The following CCSER1 variants were observed in gnomAD, a reference collection of about 807,000 sequenced individuals.
The protein encoded by CCSER1 is serine-rich coiled-coil domain-containing protein 1.
CCSER1 carries 41 observed loss-of-function variants against 82.0 expected under a neutral mutation model. The observed-to-expected ratio is 0.50, with a 90% CI of 0.39 to 0.65. The LOEUF (loss-of-function observed/expected upper bound fraction) is 0.65, where lower values mean the gene tolerates loss of function less well. Ranked by LOEUF, CCSER1 falls within the 30% of genes least tolerant of loss-of-function variation. The pLI is 0.00. For synonymous variants in CCSER1, 414 were observed against 383.9 expected, an observed-to-expected ratio of 1.08 and a Z score of -0.92; for missense variants, 1,119 against 1,064.2, an observed-to-expected ratio of 1.05 and a Z score of -0.72.
chr4:90,245,419 T>A (rs202107790), intron 1 of CCSER1, among the ~76,000 whole-genome samples: 1 of 149,694 alleles, frequency 6.7e-6, no homozygotes, highest in Non-Finnish European at 1.5e-5. Flanking sequence ...TTCTCTAAGG[T>A]CATGGTAGGA....
chr4:91,229,624 GC>G (rs1176429913), intron 10 of CCSER1, among the ~76,000 whole-genome samples: 2 of 152,066 alleles, frequency 1.3e-5, no homozygotes, highest in African/African-American at 4.8e-5. Flanking sequence ...AGAAAATGTG[GC>G]ACATATACAC....
chr4:91,393,941 C>T (rs1751814847), intron 10 of CCSER1, among the ~76,000 whole-genome samples: 1 of 152,082 alleles, frequency 6.6e-6, no homozygotes, highest in South Asian at 2.1e-4. Flanking sequence ...CTTCTTCCCT[C>T]CCATTACTTT....
Position 91,598,707 on chromosome 4 carries a change from C to G in CCSER1, c.2353C>G (p.Leu785Val). 6.4e-7 allele frequency: 1 copy of G among 1,551,480 alleles called. No homozygotes were observed. The highest frequency in any genetic ancestry group is 1.4e-5 in the African/African-American group (1 of 73,096). Reference sequence around the variant, plus strand: ...CCCCTACAAAAACAAGACCTGTCAACTCCCAAGTCTCTGTTTAAGTAATTT... The same window carrying G: ...CCCCTACAAAAACAAGACCTGTCAAGTCCCAAGTCTCTGTTTAAGTAATTT... ...TSPYKNKTCQ[L>V]PSLCLSNFLK... Residue 785 changes from leucine (L) to valine (V), a missense_variant, in exon 11 of 11, where the codon CTC becomes GTC. Leu to Val is a conservative substitution (Grantham distance 32). Coordinates refer to ENST00000509176, the MANE Select transcript of CCSER1 (RefSeq NM_001145065.2).
intron 7 of CCSER1, among the ~76,000 whole-genome samples, chr4:90,737,976 G>A (rs565322527): frequency 5.9e-5 from 9 of 152,214 alleles, no homozygotes; most frequent in Non-Finnish European, 1.0e-4. Context: ...AAATTTATGT[G>A]ATAGGTTCTG....
At position 90,170,377 on chromosome 4, in the gene CCSER1, G is replaced by T. The variant is rs567906527; in HGVS notation, c.-42+42546G>T. Among the ~76,000 whole-genome samples, 61 of 149,098 alleles carry T rather than the reference G, an allele frequency of 4.1e-4. 1 individual carries two copies. Among genetic ancestry groups the T allele is most frequent in the African/African-American group, 1.4e-3 (56 of 40,674 alleles). Reference sequence around the variant, plus strand: ...AACCTTGAAATATCTTTTAATTCTCGAACACTTTACCTACCTAACAGCTAA... The same window carrying T: ...AACCTTGAAATATCTTTTAATTCTCTAACACTTTACCTACCTAACAGCTAA... On this transcript the variant is annotated intron_variant, in intron 1 of 10. Transcript: ENST00000509176.
intron 10 of CCSER1, among the ~76,000 whole-genome samples, chr4:91,552,109 A>G: frequency 6.6e-6 from 1 of 151,762 alleles, no homozygotes; most frequent in East Asian, 1.9e-4. Flanking sequence ...TTAATGTATG[A>G]CATAAAATCT....
chr4:90,310,607 A>G (rs1371458322), intron 2 of CCSER1, among the ~76,000 whole-genome samples: 3 of 152,154 alleles, frequency 2.0e-5, no homozygotes, highest in Non-Finnish European at 2.9e-5. Context: ...TTATTGGGAT[A>G]TAAATCCTAT....
chr4:91,271,683 TAC>T (rs898603403), intron 10 of CCSER1, among the ~76,000 whole-genome samples: 1 of 151,978 alleles, frequency 6.6e-6, no homozygotes, highest in South Asian at 2.1e-4. Flanking sequence ...ATGATATATA[TAC>T]ACACACATAT....
At chr4:90,624,196 T>G (rs772136487) in intron 5 of CCSER1, among the ~76,000 whole-genome samples, 4 of 152,148 alleles carry the variant, frequency 2.6e-5, no homozygotes, top group Admixed American at 6.5e-5. Flanking sequence ...CCATAGACAT[T>G]CCCTATAATG....
At chr4:91,068,562 T>G (rs1018412423) in intron 9 of CCSER1, among the ~76,000 whole-genome samples, 2 of 152,208 alleles carry the variant, frequency 1.3e-5, no homozygotes, top group Non-Finnish European at 2.9e-5. Flanking sequence ...TCTCAGATAG[T>G]ATGTAGTTTT....
chr4:91,128,935 A>G (rs562988517), intron 10 of CCSER1, among the ~76,000 whole-genome samples: 5 of 152,102 alleles, frequency 3.3e-5, no homozygotes, highest in Non-Finnish European at 7.4e-5. Flanking sequence ...ACCTAACTGA[A>G]AGAAAAATTA....
At chr4:90,314,837 CTTTTTTT>C (rs765931168) in intron 3 of CCSER1, among the ~76,000 whole-genome samples, 668 of 87,448 alleles carry the variant, frequency 7.6e-3, no homozygotes, top group Non-Finnish European at 9.5e-3. Context: ...CTCAGATTTA[CTTTTTTT>C]TTTTTTTTTT....
chr4:90,780,327 A>G, intron 7 of CCSER1: 1 of 1,098,310 alleles, frequency 9.1e-7, no homozygotes, highest in Non-Finnish European at 1.3e-6. Context: ...TACGCTTCCC[A>G]TCTAAATTAT....
rs550193410 is a variant in CCSER1, at chr4:90,600,867, T to C, written c.1725-27158T>C. Among the ~76,000 whole-genome samples the C allele has an allele frequency of 7.9e-5, 12 of 152,166 alleles. No homozygotes were observed. The South Asian group carries it at 2.3e-3, about 29-fold the overall frequency. The stretch of plus-strand genomic sequence containing the variant: ...CATGAACATAATATATCTGTTTAGG[T>C]CTTTATATAAGCAATATTTTTTAGT... On this transcript the variant is annotated intron_variant, in intron 5 of 10. Transcript: ENST00000509176.
intron 10 of CCSER1, among the ~76,000 whole-genome samples, chr4:91,317,589 C>CGTGT (rs145077106): frequency 2.7e-5 from 4 of 150,712 alleles, no homozygotes; most frequent in Non-Finnish European, 5.9e-5. Flanking sequence ...AAAGTATATA[C>CGTGT]GTGTGTGTGT....
intron 1 of CCSER1, among the ~76,000 whole-genome samples, chr4:90,166,039 C>G (rs1423570405): frequency 1.3e-5 from 2 of 152,004 alleles, no homozygotes; most frequent in Non-Finnish European, 2.9e-5. Flanking sequence ...GATGGTTTCA[C>G]TTAACAATAT....
intron 3 of CCSER1, among the ~76,000 whole-genome samples, chr4:90,334,643 AGAGTT>A (rs996286117): frequency 1.3e-5 from 2 of 152,110 alleles, no homozygotes; most frequent in African/African-American, 4.8e-5. Flanking sequence ...TAAAAATAAT[AGAGTT>A]GTGTATTTAA....
chr4:90,457,236 C>T (rs1276842063), intron 4 of CCSER1, among the ~76,000 whole-genome samples: 2 of 152,190 alleles, frequency 1.3e-5, no homozygotes, highest in Non-Finnish European at 2.9e-5. Context: ...ATCCCAGGAA[C>T]TGCAGAACGC....
At chr4:90,173,366 A>G (rs944224690) in intron 1 of CCSER1, among the ~76,000 whole-genome samples, 1 of 151,790 alleles carries the variant, frequency 6.6e-6, no homozygotes, top group Non-Finnish European at 1.5e-5. Flanking sequence ...TTCAGGATAA[A>G]TATTTCAAGA....
Sources: allele counts gnomAD v4.1 joint callset (sites outside exome capture counted in the v4.1 genomes callset), GRCh38; gene constraint gnomAD v4.1.1; transcripts MANE v1.5; gene names NCBI Gene and HGNC (gene_info 2026-07-23, HGNC 2026-07-21).